Variants in CDH13 observed in about 807,000 individuals in gnomAD.
The protein encoded by CDH13 is cadherin 13, also known as cadherin-13.
CDH13 carries 24 observed loss-of-function variants against 63.8 expected under a neutral mutation model. The observed-to-expected ratio is 0.38, with a 90% CI of 0.27 to 0.53. The LOEUF (loss-of-function observed/expected upper bound fraction) is 0.53. Ranked by LOEUF, CDH13 falls within the 20% of genes least tolerant of loss-of-function variation. The pLI, the probability that CDH13 is intolerant of heterozygous loss-of-function variation, is 0.85. For synonymous variants in CDH13, 503 were observed against 355.3 expected, an observed-to-expected ratio of 1.42 and a Z score of -4.67; for missense variants, 1,049 against 903.1, an observed-to-expected ratio of 1.16 and a Z score of -2.07.
At chr16:83,095,772 C>A (rs1224687215) in intron 3 of CDH13, among the ~76,000 whole-genome samples, 2 of 152,082 alleles carry the variant, frequency 1.3e-5, no homozygotes, top group Non-Finnish European at 2.9e-5. Flanking sequence ...GTATGTTTTG[C>A]CTAAGACTCT....
At chr16:82,921,002 G>C (rs958667529) in intron 2 of CDH13, among the ~76,000 whole-genome samples, 3 of 151,826 alleles carry the variant, frequency 2.0e-5, no homozygotes, top group Non-Finnish European at 4.4e-5. Flanking sequence ...TGTTGTTTTT[G>C]TCCTCTAGTC....
intron 7 of CDH13, among the ~76,000 whole-genome samples, chr16:83,529,183 A>G (rs1174041290): frequency 6.6e-6 from 1 of 151,804 alleles, no homozygotes; most frequent in Admixed American, 6.6e-5. Flanking sequence ...CTGAAGTACA[A>G]GCAGTACATA....
intron 4 of CDH13, among the ~76,000 whole-genome samples, chr16:83,211,051 G>A (rs754554015): frequency 2.3e-4 from 34 of 150,202 alleles, no homozygotes; most frequent in Non-Finnish European, 3.7e-4. Context: ...GGGAGGCTGA[G>A]TCAGGAGAAT....
chr16:82,927,392 A>C (rs2042338528), intron 2 of CDH13, among the ~76,000 whole-genome samples: 1 of 152,164 alleles, frequency 6.6e-6, no homozygotes, highest in Non-Finnish European at 1.5e-5. Context: ...TCCCATACAG[A>C]ATATAACTTG....
At chr16:83,509,257 T>A (rs1488042134) in intron 7 of CDH13, among the ~76,000 whole-genome samples, 2 of 152,184 alleles carry the variant, frequency 1.3e-5, no homozygotes, top group East Asian at 3.8e-4. Flanking sequence ...CAGGATGATA[T>A]GTGGAACATG....
chr16:83,123,778 T>C (rs2035691699), intron 3 of CDH13, among the ~76,000 whole-genome samples: 1 of 152,190 alleles, frequency 6.6e-6, no homozygotes, highest in Non-Finnish European at 1.5e-5. Flanking sequence ...TGAGAAATCA[T>C]CATACTGTTT....
At chr16:82,671,183 G>C (rs1913200342) in intron 1 of CDH13, among the ~76,000 whole-genome samples, 1 of 152,162 alleles carries the variant, frequency 6.6e-6, no homozygotes, top group African/African-American at 2.4e-5. Flanking sequence ...AAAATAAATT[G>C]CTTGTAAATA....
Position 83,312,260 on chromosome 16 carries a change from G to C in CDH13, c.637-32602G>C, listed in dbSNP as rs984014402. On this transcript the variant is annotated intron_variant, in intron 5 of 13. Transcript: ENST00000567109. ...CCATACAGATGCGGACCAGCTCACA[G>C]TACTGCTCTTATGTGAGCTGCTCAG... Among the ~76,000 whole-genome samples, 46 of 152,130 alleles carry C rather than the reference G, an allele frequency of 3.0e-4. 1 individual carries two copies. Among genetic ancestry groups the C allele is most frequent in the African/African-American group, 1.1e-3 (46 of 41,424 alleles).
At chr16:83,165,578 T>G (rs953633177) in intron 4 of CDH13, among the ~76,000 whole-genome samples, 1 of 151,514 alleles carries the variant, frequency 6.6e-6, no homozygotes, top group Non-Finnish European at 1.5e-5. Flanking sequence ...ATGAGAAGAG[T>G]GGACAGTGGG....
intron 2 of CDH13, among the ~76,000 whole-genome samples, chr16:82,881,888 C>A (rs2040715841): frequency 6.6e-6 from 1 of 152,142 alleles, no homozygotes; most frequent in South Asian, 2.1e-4. Context: ...AGGCTGGCAC[C>A]ACCCTGGACC....
At chr16:83,178,923 T>TAGAGACGC (rs1567481522) in intron 4 of CDH13, among the ~76,000 whole-genome samples, 1 of 152,116 alleles carries the variant, frequency 6.6e-6, no homozygotes, top group African/African-American at 2.4e-5. Flanking sequence ...CATAGAGACG[T>TAGAGACGC]GCAGTTAATT....
At chr16:83,348,608 T>C (rs2090888613) in intron 6 of CDH13, among the ~76,000 whole-genome samples, 1 of 152,222 alleles carries the variant, frequency 6.6e-6, no homozygotes. Flanking sequence ...TGCATTTTCA[T>C]TTTACACTGA....
chr16:83,456,202 C>T (rs1423325343), intron 6 of CDH13, among the ~76,000 whole-genome samples: 1 of 152,230 alleles, frequency 6.6e-6, no homozygotes, highest in African/African-American at 2.4e-5. Context: ...AGACACATTC[C>T]CTGCTCTGGA....
intron 1 of CDH13, among the ~76,000 whole-genome samples, chr16:82,631,011 C>T (rs532231710): frequency 1.3e-5 from 2 of 152,322 alleles, no homozygotes; most frequent in African/African-American, 4.8e-5. Context: ...ACATTAATTG[C>T]CACAATCACC....
intron 1 of CDH13, among the ~76,000 whole-genome samples, chr16:82,648,774 CCTT>C (rs751102599): frequency 2.0e-5 from 3 of 151,696 alleles, no homozygotes; most frequent in Non-Finnish European, 4.4e-5. Flanking sequence ...GAAGAAAAAA[CCTT>C]CTAAAAAATA....
intron 4 of CDH13, among the ~76,000 whole-genome samples, chr16:83,186,941 C>T (rs111411693): frequency 6.6e-6 from 1 of 152,004 alleles, no homozygotes; most frequent in East Asian, 1.9e-4. Context: ...AAAATTGTAA[C>T]CTATTTTATG....
intron 4 of CDH13, among the ~76,000 whole-genome samples, chr16:83,130,956 A>ATGTT (rs1426948032): frequency 6.6e-6 from 1 of 152,066 alleles, no homozygotes; most frequent in Non-Finnish European, 1.5e-5. Context: ...TGTAGAACTG[A>ATGTT]ATACCCACAG....
intron 11 of CDH13, among the ~76,000 whole-genome samples, chr16:83,771,453 G>C (rs1429466050): frequency 6.6e-6 from 1 of 152,180 alleles, no homozygotes; most frequent in African/African-American, 2.4e-5. Context: ...TCAGTGCTGA[G>C]TGGGAACGAC....
At chr16:83,201,872 G>A (rs192322972) in intron 4 of CDH13, among the ~76,000 whole-genome samples, 105 of 152,152 alleles carry the variant, frequency 6.9e-4, no homozygotes, top group Non-Finnish European at 1.2e-3. Context: ...CTGAGATCAC[G>A]CAACTGCACT....
Sources: gnomAD v4.1 joint callset for allele counts (sites outside exome capture counted in the v4.1 genomes callset) on GRCh38, gnomAD v4.1.1 for gene constraint, MANE v1.5 for transcripts, NCBI Gene and HGNC (gene_info 2026-07-23, HGNC 2026-07-21) for gene names.